Variants in PNLIP observed in about 807,000 individuals in gnomAD.
PNLIP encodes the protein pancreatic lipase.
In PNLIP, 49 loss-of-function variants were observed where a neutral mutation model predicts 57.1. The ratio of observed to expected loss-of-function variants is 0.86; its 90% confidence interval spans 0.68 to 1.09. The LOEUF (loss-of-function observed/expected upper bound fraction) is 1.09. Ranked by LOEUF, PNLIP falls within the 50% of genes least tolerant of loss-of-function variation. The pLI is 0.00. For synonymous variants in PNLIP, 209 were observed against 200.4 expected (o/e 1.04, Z -0.36); for missense variants, 503 against 570.2 (o/e 0.88, Z 1.20).
intron 11 of PNLIP, among the ~76,000 whole-genome samples, chr10:116,561,235 A>G (rs1470340040): frequency 6.6e-6 from 1 of 152,218 alleles, no homozygotes; most frequent in African/African-American, 2.4e-5. Flanking sequence ...AAAGGTGACT[A>G]ATATGAGATG....
chr10:116,548,029 A>T (rs971232958), intron 3 of PNLIP, among the ~76,000 whole-genome samples: 1 of 152,138 alleles, frequency 6.6e-6, no homozygotes, highest in Admixed American at 6.6e-5. Context: ...ATCTCCTATT[A>T]TATATATGTA....
In PNLIP at chr10:116,560,500, A is replaced by G. The variant is rs377432333; in HGVS notation, c.1145A>G (p.Asn382Ser). 21 of 1,581,796 alleles carry G rather than the reference A, an allele frequency of 1.3e-5. No individual in the cohort carries two copies. Among genetic ancestry groups the G allele is most frequent in the Admixed American group, 1.0e-4 (6 of 57,810 alleles). The change falls in exon 11 of 13, where the codon AAC (asparagine) becomes AGC (serine). Residue 382 changes from asparagine (N) to serine (S), a missense_variant. Coordinates refer to ENST00000369221, the MANE Select transcript of PNLIP (RefSeq NM_000936.4). ...GTTTCTTTGTTCGGAAATAAAGGAA[A>G]CTCTAAGCAGTATGAAATTTTCAAG... ...ILVSLFGNKG[N>S]SKQYEIFKGT...
At position 116,550,525 on chromosome 10, in the gene PNLIP, C is replaced by G. The variant is rs78055845; in HGVS notation, c.325-573C>G. Reference sequence around the variant, plus strand: ...GTTTTCATGTGAAATATTAATAACTCTTTAGTGATGTACAATAAAACACGT... The same window carrying G: ...GTTTTCATGTGAAATATTAATAACTGTTTAGTGATGTACAATAAAACACGT... On this transcript the variant is annotated intron_variant, in intron 4 of 12. Transcript: ENST00000369221. Among the ~76,000 whole-genome samples the G allele has an allele frequency of 8.8e-3, 1,342 of 152,270 alleles. 7 individuals carry two copies. The highest frequency in any genetic ancestry group is 0.014 in the Non-Finnish European group (942 of 68,034).
rs1486282844 is a variant in PNLIP, at chr10:116,555,380, GA to G, written c.692-7del. 1 of 1,614,068 alleles carries G rather than the reference GA, an allele frequency of 6.2e-7. No individual in the cohort carries two copies. Among genetic ancestry groups the G allele is most frequent in the South Asian group, 1.1e-5 (1 of 91,066 alleles). ...AGCATAAACCCTCATGTATTTTTAT[GA>G]TTTCAGGGTTTGGAATGAGCCAAGT... On this transcript the variant is annotated splice_polypyrimidine_tract_variant and splice_region_variant and intron_variant, in intron 7 of 12. Transcript: ENST00000369221.
At chr10:116,549,821 TG>T (rs1417744591) in intron 4 of PNLIP, among the ~76,000 whole-genome samples, 1 of 152,196 alleles carries the variant, frequency 6.6e-6, no homozygotes, top group Non-Finnish European at 1.5e-5. Context: ...AAGGCAATTG[TG>T]GTTTGTTTTT....
intron 6 of PNLIP, 135 bp from the exon 7 acceptor site, chr10:116,555,043 G>C: frequency 1.0e-6 from 1 of 963,964 alleles, no homozygotes; most frequent in South Asian, 1.6e-5. Flanking sequence ...CAAATAGCTA[G>C]AAGTAGATTC....
chr10:116,567,760 G>A lies in PNLIP; in HGVS notation c.1360G>A (p.Val454Ile), dbSNP rs148560679. Residue 454 changes from valine (V) to isoleucine (I), a missense_variant, in exon 13 of 13, where the codon GTC becomes ATC. Physicochemically the swap from Val to Ile is conservative, Grantham distance 29 (BLOSUM62 3). Coordinates refer to ENST00000369221, the MANE Select transcript of PNLIP (RefSeq NM_000936.4). Reference protein sequence around the residue: ...KQFNFCSPETVREEVLLTLTP... With the variant: ...KQFNFCSPETIREEVLLTLTP... ...GTTCAACTTCTGTAGTCCAGAAACC[G>A]TCAGGGAGGAAGTTCTGCTCACCCT... 8.0e-5 allele frequency: 129 copies of A among 1,613,974 alleles called. No homozygotes were observed. The South Asian group carries it at 9.4e-4, about 12-fold the overall frequency.
chr10:116,550,490 G>A (rs994365882), intron 4 of PNLIP, among the ~76,000 whole-genome samples: 2 of 151,988 alleles, frequency 1.3e-5, no homozygotes, highest in African/African-American at 4.8e-5. Context: ...ATAGATATCT[G>A]GTAGGCAATG....
intron 9 of PNLIP, 48 bp from the exon 10 acceptor site, chr10:116,559,106 A>T (rs533561288): frequency 1.9e-6 from 3 of 1,590,580 alleles, no homozygotes; most frequent in South Asian, 1.2e-5. Flanking sequence ...TATGGTACAC[A>T]ACTAAAAGAT....
chr10:116,548,871 T>A (rs1847158798), intron 4 of PNLIP, among the ~76,000 whole-genome samples: 1 of 152,240 alleles, frequency 6.6e-6, no homozygotes, highest in Non-Finnish European at 1.5e-5. Flanking sequence ...TTCTTTTCCT[T>A]TGATTTTCAC....
chr10:116,563,751 A>G (rs1847337578), intron 12 of PNLIP, among the ~76,000 whole-genome samples: 1 of 152,182 alleles, frequency 6.6e-6, no homozygotes, highest in African/African-American at 2.4e-5. Context: ...TCTAGAGATG[A>G]AAAATACAAT....
At chr10:116,567,227 C>T (rs889144725) in intron 12 of PNLIP, among the ~76,000 whole-genome samples, 1 of 138,490 alleles carries the variant, frequency 7.2e-6, no homozygotes, top group Non-Finnish European at 1.6e-5. Flanking sequence ...CTCTTTCTTT[C>T]TTCTTTCTTT....
chr10:116,565,799 T>G (rs1355947857), intron 12 of PNLIP, among the ~76,000 whole-genome samples: 1 of 151,472 alleles, frequency 6.6e-6, no homozygotes, highest in Non-Finnish European at 1.5e-5. Context: ...AAAAGATTTG[T>G]ACATGAATAT....
intron 9 of PNLIP, among the ~76,000 whole-genome samples, chr10:116,556,707 A>G (rs1187481772): frequency 6.6e-6 from 1 of 151,818 alleles, no homozygotes; most frequent in African/African-American, 2.4e-5. Context: ...TGTGATCTCA[A>G]ATATGACATA....
At chr10:116,548,507 A>C in intron 4 of PNLIP, 25 bp downstream of exon 4, 1 of 1,609,144 alleles carries the variant, frequency 6.2e-7, no homozygotes, top group Non-Finnish European at 8.5e-7. Flanking sequence ...TCTCTCAAGG[A>C]AAGATCGTTT....
At chr10:116,558,171 C>T (rs1364614712) in intron 9 of PNLIP, among the ~76,000 whole-genome samples, 5 of 149,324 alleles carry the variant, frequency 3.3e-5, no homozygotes, top group African/African-American at 7.3e-5. Flanking sequence ...TGATTATAAT[C>T]TCTGTTCTAC....
At chr10:116,555,070 C>G (rs1847237674) in intron 6 of PNLIP, 108 bp from the exon 7 acceptor site, 1 of 1,228,892 alleles carries the variant, frequency 8.1e-7, no homozygotes, top group Non-Finnish European at 1.2e-6. Flanking sequence ...AGCAAATGGT[C>G]AGGTAAGGAA....
At chr10:116,567,356 G>A (rs1847380477) in intron 12 of PNLIP, among the ~76,000 whole-genome samples, 1 of 152,014 alleles carries the variant, frequency 6.6e-6, no homozygotes, top group Admixed American at 6.6e-5. Context: ...TAAAATAATG[G>A]TTAGCCAACG....
At chr10:116,548,158 G>T in intron 3 of PNLIP, among the ~76,000 whole-genome samples, 1 of 151,806 alleles carries the variant, frequency 6.6e-6, no homozygotes, top group East Asian at 1.9e-4. Flanking sequence ...ATTATCCCAA[G>T]TTGAACAATG....
Sources: allele counts gnomAD v4.1 joint callset (sites outside exome capture counted in the v4.1 genomes callset), GRCh38; gene constraint gnomAD v4.1.1; transcripts MANE v1.5; gene names NCBI Gene and HGNC (gene_info 2026-07-23, HGNC 2026-07-21).